The following LOC112694756 variants were observed in gnomAD, a reference collection of about 807,000 sequenced individuals.
chr16:30,054,310 G>A, the LOC112694756 span, among the ~76,000 whole-genome samples: 4 of 152,136 alleles, frequency 2.6e-5, no homozygotes, highest in Admixed American at 1.3e-4. Context: ...GTGATACTCC[G>A]TCTCAATAAG....
chr16:30,067,990 C>A, the LOC112694756 span: 1 of 347,970 alleles, frequency 2.9e-6, no homozygotes. Flanking sequence ...AGGATTGTTA[C>A]TAAGTGAACT....
chr16:30,061,691 C>G, the LOC112694756 span, among the ~76,000 whole-genome samples: 3 of 149,330 alleles, frequency 2.0e-5, no homozygotes, highest in East Asian at 4.0e-4. Context: ...TTCTGAGTAG[C>G]TAGGATTACA....
chr16:30,065,560 G>A, the LOC112694756 span: 1 of 152,364 alleles, frequency 6.6e-6, no homozygotes, highest in Non-Finnish European at 1.5e-5. Context: ...TGTGGTCCGA[G>A]TCACGTCCGA....
At chr16:30,068,344 G>A in the LOC112694756 span, 116 of 396,980 alleles carry the variant, frequency 2.9e-4, no homozygotes, top group Non-Finnish European at 5.2e-4. Flanking sequence ...GATTACAGGC[G>A]TGAGCCACCA....
At chr16:30,065,392 G>C in the LOC112694756 span, among the ~76,000 whole-genome samples, 3 of 152,168 alleles carry the variant, frequency 2.0e-5, no homozygotes, top group East Asian at 5.8e-4. Context: ...CCTGGGAGGC[G>C]AAACTCAGCT....
chr16:30,056,254 G>A, the LOC112694756 span, among the ~76,000 whole-genome samples: 15 of 145,528 alleles, frequency 1.0e-4, no homozygotes, highest in African/African-American at 3.6e-4. Context: ...GAATACAGGC[G>A]TGTGCCACCA....
the LOC112694756 span, among the ~76,000 whole-genome samples, chr16:30,056,888 A>G: frequency 6.8e-6 from 1 of 146,554 alleles, no homozygotes; most frequent in African/African-American, 2.5e-5. Flanking sequence ...GGAGTGAGCC[A>G]CCATGCCCAG....
At chr16:30,060,850 T>C in the LOC112694756 span, among the ~76,000 whole-genome samples, 1 of 152,320 alleles carries the variant, frequency 6.6e-6, no homozygotes, top group East Asian at 1.9e-4. Flanking sequence ...GGCAGTTCTG[T>C]TGACAGTAGC....
At chr16:30,067,981 G>C in the LOC112694756 span, 1 of 412,202 alleles carries the variant, frequency 2.4e-6, no homozygotes, top group East Asian at 4.9e-5. Flanking sequence ...CTGTCTCAGA[G>C]GATTGTTACT....
At chr16:30,053,509 G>A in the LOC112694756 span, 1 of 153,008 alleles carries the variant, frequency 6.5e-6, no homozygotes, top group Non-Finnish European at 1.5e-5. Context: ...CGTAAGTCCG[G>A]GCCCCTTCCC....
the LOC112694756 span, among the ~76,000 whole-genome samples, chr16:30,059,530 C>A: frequency 6.7e-6 from 1 of 149,596 alleles, no homozygotes; most frequent in Non-Finnish European, 1.5e-5. Flanking sequence ...TAATATCTCT[C>A]TTTCTTTTTT....
chr16:30,066,889 G>C, the LOC112694756 span: 1 of 1,548,798 alleles, frequency 6.5e-7, no homozygotes, highest in Admixed American at 2.0e-5. Flanking sequence ...TTTCAGGCAA[G>C]GTGACCCCAT....
At chr16:30,067,784 G>A in the LOC112694756 span, 1 of 1,116,644 alleles carries the variant, frequency 9.0e-7, no homozygotes, top group South Asian at 1.3e-5. Flanking sequence ...CCTGCTTCAG[G>A]CTTAGGGCAT....
chr16:30,064,680 G>C, the LOC112694756 span: 1 of 388,970 alleles, frequency 2.6e-6, no homozygotes, highest in East Asian at 3.6e-5. Flanking sequence ...AGAGAAGATC[G>C]GGGACACATG....
chr16:30,068,568 A>G, the LOC112694756 span: 1 of 1,498,888 alleles, frequency 6.7e-7, no homozygotes, highest in South Asian at 1.1e-5. Context: ...CCACCACTGT[A>G]CTCCAGCCGG....
At chr16:30,055,612 G>T in the LOC112694756 span, among the ~76,000 whole-genome samples, 1 of 152,182 alleles carries the variant, frequency 6.6e-6, no homozygotes, top group South Asian at 2.1e-4. Flanking sequence ...CTAAATGAAA[G>T]TTAGCTAAAT....
At chr16:30,066,472 C>T in the LOC112694756 span, among the ~76,000 whole-genome samples, 12 of 152,348 alleles carry the variant, frequency 7.9e-5, no homozygotes, top group Admixed American at 2.6e-4. Flanking sequence ...GCTTGCTCCT[C>T]CACGTTCTTG....
chr16:30,054,599 G>A, the LOC112694756 span: 1 of 392,374 alleles, frequency 2.5e-6, no homozygotes, highest in Middle Eastern at 6.4e-4. Context: ...GCTGAACTGG[G>A]AATGATAGGG....
At chr16:30,067,314 T>C in the LOC112694756 span, 4 of 1,613,156 alleles carry the variant, frequency 2.5e-6, no homozygotes, top group Non-Finnish European at 3.4e-6. Flanking sequence ...CTGACATCGC[T>C]CACCGCATCG....
Sources: allele counts gnomAD v4.1 joint callset (sites outside exome capture counted in the v4.1 genomes callset), GRCh38; gene constraint gnomAD v4.1.1; transcripts MANE v1.5.